The following PLCB4 variants were observed in gnomAD, a reference collection of about 807,000 sequenced individuals.
PLCB4 encodes the protein 1-phosphatidylinositol 4,5-bisphosphate phosphodiesterase beta-4.
Under a neutral mutation model 178.8 loss-of-function variants are expected in PLCB4, and 77 were observed. That is an observed-to-expected ratio of 0.43 (90% confidence interval 0.36 to 0.52). The LOEUF (loss-of-function observed/expected upper bound fraction) is 0.52, where lower values mean the gene tolerates loss of function less well. Among genes scored for constraint, PLCB4 ranks in the 20% least tolerant of loss-of-function variants. The pLI is 0.00. For missense variants in PLCB4, 1,024 were observed against 1,453.4 expected (o/e 0.70, Z 4.80); for synonymous variants, 496 against 490.8 (o/e 1.01, Z -0.14).
chr20:9,256,098 A>G (rs1336683367), intron 3 of PLCB4, among the ~76,000 whole-genome samples: 2 of 152,276 alleles, frequency 1.3e-5, no homozygotes, highest in Admixed American at 6.5e-5. Context: ...TCTCGTATAC[A>G]TATGTCTGGA....
intron 32 of PLCB4, among the ~76,000 whole-genome samples, chr20:9,453,051 T>G (rs908118194): frequency 2.0e-5 from 3 of 152,082 alleles, no homozygotes; most frequent in Non-Finnish European, 4.4e-5. Context: ...TACAGAGATG[T>G]GTATATGTAG....
intron 3 of PLCB4, among the ~76,000 whole-genome samples, chr20:9,278,820 G>A (rs1486514083): frequency 6.6e-6 from 1 of 152,032 alleles, no homozygotes; most frequent in African/African-American, 2.4e-5. Context: ...GACTAGGGCA[G>A]GTTGTCTCAC....
chr20:9,364,980 G>T (rs1290314961), intron 8 of PLCB4, among the ~76,000 whole-genome samples: 1 of 131,994 alleles, frequency 7.6e-6, no homozygotes, highest in East Asian at 1.9e-4. Context: ...GAATTCTCAA[G>T]ACAAGGCTGG....
At chr20:9,233,748 T>C (rs1438039817) in intron 3 of PLCB4, among the ~76,000 whole-genome samples, 1 of 152,122 alleles carries the variant, frequency 6.6e-6, no homozygotes, top group Non-Finnish European at 1.5e-5. Flanking sequence ...GAGCAAGTGG[T>C]AGATTAAGTC....
intron 2 of PLCB4, among the ~76,000 whole-genome samples, chr20:9,182,568 AAC>A (rs2093264915): frequency 6.6e-6 from 1 of 152,186 alleles, no homozygotes; most frequent in African/African-American, 2.4e-5. Context: ...ACTTCTCCTC[AAC>A]AAATAGCAGG....
intron 3 of PLCB4, among the ~76,000 whole-genome samples, chr20:9,293,396 A>G (rs1601654771): frequency 7.0e-6 from 1 of 142,832 alleles, no homozygotes; most frequent in Admixed American, 6.9e-5. Flanking sequence ...AAAGGGAAGG[A>G]AAGGAAAGGG....
At chr20:9,159,251 CT>C (rs921796022) in intron 2 of PLCB4, among the ~76,000 whole-genome samples, 3 of 152,012 alleles carry the variant, frequency 2.0e-5, no homozygotes, top group Non-Finnish European at 4.4e-5. Context: ...TAAATTGATC[CT>C]TTTTTTATCC....
At chr20:9,096,048 A>G (rs1184142597) in intron 1 of PLCB4, among the ~76,000 whole-genome samples, 5 of 152,144 alleles carry the variant, frequency 3.3e-5, no homozygotes, top group African/African-American at 4.8e-5. Flanking sequence ...ACTTTTATCC[A>G]TTTTCCATTT....
chr20:9,218,961 C>T (rs764663968), intron 3 of PLCB4, among the ~76,000 whole-genome samples: 3 of 152,100 alleles, frequency 2.0e-5, no homozygotes, highest in Admixed American at 1.3e-4. Context: ...TCCACTTTCT[C>T]TGTTTAAGAG....
In PLCB4 at chr20:9,398,760, C is replaced by T. The variant is rs555148446; in HGVS notation, c.1511-2730C>T. On this transcript the variant is annotated intron_variant, in intron 19 of 39. Coordinates refer to ENST00000378473, the MANE Select transcript of PLCB4 (RefSeq NM_001377142.1). ...TGTCACCCAGGCTGGAGTGCAGTGG[C>T]GCGATCTCGGCTCACTGCAAGCTCT... 2.5e-4 allele frequency among the ~76,000 whole-genome samples: 38 copies of T among 151,976 alleles called. No individual in the cohort carries two copies. The South Asian group carries it at 3.1e-3, about 12-fold the overall frequency.
At chr20:9,421,014 G>A (rs1183674224) in intron 26 of PLCB4, among the ~76,000 whole-genome samples, 1 of 152,106 alleles carries the variant, frequency 6.6e-6, no homozygotes, top group East Asian at 1.9e-4. Context: ...AGATGAAGAG[G>A]CCGTGGACAC....
intron 35 of PLCB4, among the ~76,000 whole-genome samples, chr20:9,461,463 C>G (rs1036048799): frequency 6.6e-6 from 1 of 152,168 alleles, no homozygotes; most frequent in Non-Finnish European, 1.5e-5. Flanking sequence ...TGTCACCTCA[C>G]CCAGGAAGCA....
chr20:9,255,968 G>C (rs1202019283), intron 3 of PLCB4, among the ~76,000 whole-genome samples: 4 of 151,978 alleles, frequency 2.6e-5, no homozygotes, highest in African/African-American at 9.7e-5. Flanking sequence ...TTACCTTTCT[G>C]AATTCTGAAA....
intron 3 of PLCB4, among the ~76,000 whole-genome samples, chr20:9,259,780 T>G: frequency 6.6e-6 from 1 of 152,068 alleles, no homozygotes; most frequent in East Asian, 1.9e-4. Context: ...ATAAAATATA[T>G]ACCCAACTTT....
chr20:9,236,961 T>C (rs554736973), intron 3 of PLCB4, among the ~76,000 whole-genome samples: 1 of 152,284 alleles, frequency 6.6e-6, no homozygotes, highest in African/African-American at 2.4e-5. Context: ...ATGACACCTA[T>C]GTGATAGGTT....
At chr20:9,290,921 C>A (rs1283936556) in intron 3 of PLCB4, among the ~76,000 whole-genome samples, 1 of 152,026 alleles carries the variant, frequency 6.6e-6, no homozygotes, top group Non-Finnish European at 1.5e-5. Flanking sequence ...GTTTCAGGAT[C>A]TGTATTTTAC....
chr20:9,286,554 G>A (rs899084793), intron 3 of PLCB4, among the ~76,000 whole-genome samples: 6 of 152,048 alleles, frequency 3.9e-5, no homozygotes, highest in Non-Finnish European at 5.9e-5. Context: ...GAAAATGCCA[G>A]TTGTGTGGCC....
intron 4 of PLCB4, among the ~76,000 whole-genome samples, chr20:9,333,311 G>C (rs1423641646): frequency 6.6e-6 from 1 of 152,102 alleles, no homozygotes; most frequent in Admixed American, 6.6e-5. Flanking sequence ...GTAAATCAAG[G>C]ATCAGGGAGA....
intron 1 of PLCB4, among the ~76,000 whole-genome samples, chr20:9,077,634 A>G (rs2089934652): frequency 6.6e-6 from 1 of 152,222 alleles, no homozygotes; most frequent in African/African-American, 2.4e-5. Flanking sequence ...TATCTTGTAG[A>G]ATCAGAGAGT....
Sources: gnomAD v4.1 joint callset for allele counts (sites outside exome capture counted in the v4.1 genomes callset) on GRCh38, gnomAD v4.1.1 for gene constraint, MANE v1.5 for transcripts, NCBI Gene and HGNC (gene_info 2026-07-23, HGNC 2026-07-21) for gene names.